Variants in FSHR observed in about 807,000 individuals in gnomAD.
FSHR encodes the protein follicle-stimulating hormone receptor.
A neutral mutation model predicts 52.1 loss-of-function variants in FSHR; 46 were observed. That is an observed-to-expected ratio of 0.88 (90% CI 0.70 to 1.13). The LOEUF is 1.13. Ranked by LOEUF, FSHR falls within the 50% of genes most tolerant of loss-of-function variation. FSHR has a pLI of 0.00. For missense variants in FSHR, 964 were observed against 834.6 expected (o/e 1.16, Z -1.91); for synonymous variants, 399 against 309.6 (o/e 1.29, Z -3.03).
chr2:49,102,983 CT>C (rs1671088938), intron 1 of FSHR, among the ~76,000 whole-genome samples: 1 of 152,042 alleles, frequency 6.6e-6, no homozygotes, highest in Admixed American at 6.6e-5. Flanking sequence ...CCCTAAGGCA[CT>C]TTTTAGATAG....
At chr2:49,055,482 A>G (rs1476466707) in intron 2 of FSHR, among the ~76,000 whole-genome samples, 1 of 148,416 alleles carries the variant, frequency 6.7e-6, no homozygotes, top group Non-Finnish European at 1.5e-5. Context: ...TAATAGCTGA[A>G]AATTTCCCAA....
At chr2:49,125,149 G>A (rs1035373920) in intron 1 of FSHR, among the ~76,000 whole-genome samples, 1 of 152,140 alleles carries the variant, frequency 6.6e-6, no homozygotes, top group African/African-American at 2.4e-5. Flanking sequence ...TATCTACCAT[G>A]TCTGATCCTC....
intron 4 of FSHR, among the ~76,000 whole-genome samples, chr2:48,996,118 A>G (rs1169198749): frequency 2.0e-5 from 3 of 152,068 alleles, no homozygotes; most frequent in Non-Finnish European, 4.4e-5. Flanking sequence ...CTACCTACTA[A>G]TTGGTTTCCT....
chr2:49,126,327 G>C (rs972475422), intron 1 of FSHR, among the ~76,000 whole-genome samples: 14 of 150,190 alleles, frequency 9.3e-5, no homozygotes, highest in African/African-American at 2.2e-4. Context: ...AAGGAAGAGG[G>C]GGGGAGAGAG....
At chr2:49,051,158 T>G (rs941823704) in intron 2 of FSHR, among the ~76,000 whole-genome samples, 1 of 152,306 alleles carries the variant, frequency 6.6e-6, no homozygotes, top group East Asian at 1.9e-4. Flanking sequence ...TTGAGTGATT[T>G]TCTGTTTGGG....
intron 9 of FSHR, among the ~76,000 whole-genome samples, chr2:48,967,911 A>G (rs909239160): frequency 5.3e-5 from 8 of 152,218 alleles, no homozygotes; most frequent in African/African-American, 1.7e-4. Context: ...GTGCAACTAC[A>G]TGGTGTGGCT....
chr2:49,013,098 CCT>C (rs1291378742), intron 4 of FSHR, among the ~76,000 whole-genome samples: 27 of 151,262 alleles, frequency 1.8e-4, no homozygotes, highest in African/African-American at 6.1e-4. Context: ...CCTCTCTCTC[CCT>C]CTCTCTCTCT....
At chr2:49,145,232 C>G (rs752941673) in intron 1 of FSHR, among the ~76,000 whole-genome samples, 6 of 152,108 alleles carry the variant, frequency 3.9e-5, no homozygotes, top group Non-Finnish European at 7.4e-5. Flanking sequence ...CTCCTTTATC[C>G]AAACTGAAAA....
intron 2 of FSHR, among the ~76,000 whole-genome samples, chr2:49,044,137 A>C (rs1668574899): frequency 6.6e-6 from 1 of 152,194 alleles, no homozygotes; most frequent in Non-Finnish European, 1.5e-5. Flanking sequence ...AATATGGAAG[A>C]CTGGCAGCGA....
At chr2:49,089,614 C>A (rs1336568143) in intron 1 of FSHR, among the ~76,000 whole-genome samples, 1 of 152,096 alleles carries the variant, frequency 6.6e-6, no homozygotes, top group Admixed American at 6.6e-5. Context: ...TGCAATGCAA[C>A]AATGATATAA....
intron 1 of FSHR, among the ~76,000 whole-genome samples, chr2:49,107,860 C>T (rs1348475267): frequency 6.6e-6 from 1 of 152,142 alleles, no homozygotes; most frequent in African/African-American, 2.4e-5. Context: ...AGATCTCTTT[C>T]TCCTCCCAAC....
At chr2:48,980,221 A>T (rs1675186263) in intron 8 of FSHR, among the ~76,000 whole-genome samples, 1 of 152,192 alleles carries the variant, frequency 6.6e-6, no homozygotes, top group Non-Finnish European at 1.5e-5. Flanking sequence ...TCCTGCACTG[A>T]GATGGAAATA....
At chr2:49,102,865 G>C (rs1028192613) in intron 1 of FSHR, among the ~76,000 whole-genome samples, 3 of 151,740 alleles carry the variant, frequency 2.0e-5, no homozygotes, top group African/African-American at 7.3e-5. Context: ...TTATTCTTTG[G>C]CATAAAGGTA....
intron 3 of FSHR, among the ~76,000 whole-genome samples, chr2:49,018,412 G>T (rs987592146): frequency 6.6e-6 from 1 of 152,150 alleles, no homozygotes; most frequent in African/African-American, 2.4e-5. Flanking sequence ...TAGCTTTTAT[G>T]TTGCTGTAAA....
At chr2:48,976,318 G>T (rs1674985695) in intron 8 of FSHR, among the ~76,000 whole-genome samples, 2 of 152,176 alleles carry the variant, frequency 1.3e-5, no homozygotes, top group Admixed American at 6.5e-5. Flanking sequence ...AACCAGCCTT[G>T]CATCCCAGGG....
chr2:48,988,856 G>C (rs563317656), intron 6 of FSHR, 121 bp downstream of exon 6: 2 of 756,996 alleles, frequency 2.6e-6, no homozygotes, highest in Non-Finnish European at 4.7e-6. Context: ...GAACTGGAGA[G>C]TGATTTAAGT....
intron 1 of FSHR, among the ~76,000 whole-genome samples, chr2:49,090,947 TA>T (rs1429416483): frequency 6.6e-6 from 1 of 152,062 alleles, no homozygotes; most frequent in African/African-American, 2.4e-5. Flanking sequence ...TTCCCATGAT[TA>T]AAAAAATTTT....
rs531596831 is a variant in FSHR, at chr2:48,994,117, C to G, written c.375-3480G>C. 2.0e-5 allele frequency among the ~76,000 whole-genome samples: 3 copies of G among 152,234 alleles called. No homozygotes were observed. In the East Asian group the frequency reaches 5.8e-4, roughly 29 times the overall value. On this transcript the variant is annotated intron_variant, in intron 4 of 9. Coordinates refer to ENST00000406846, the MANE Select transcript of FSHR (RefSeq NM_000145.4). ...CGCATAAAATGTGCTCAATGTTTGC[C>G]AAGCTCTTTATGCCAGGTAATGTGC...
intron 2 of FSHR, among the ~76,000 whole-genome samples, chr2:49,031,167 T>C (rs1386781501): frequency 1.3e-5 from 2 of 152,162 alleles, no homozygotes; most frequent in African/African-American, 4.8e-5. Context: ...GAATGGCTCC[T>C]ATTGAGGATG....
Sources: allele counts gnomAD v4.1 joint callset (sites outside exome capture counted in the v4.1 genomes callset), GRCh38; gene constraint gnomAD v4.1.1; transcripts MANE v1.5; gene names NCBI Gene and HGNC (gene_info 2026-07-23, HGNC 2026-07-21).